Variants in DNAAF9 observed in about 807,000 individuals in gnomAD.
DNAAF9 encodes the protein shulin.
DNAAF9 carries 90 observed loss-of-function variants against 167.0 expected under a neutral mutation model. The observed-to-expected ratio is 0.54, with a 90% CI of 0.45 to 0.64. The LOEUF (loss-of-function observed/expected upper bound fraction) is 0.64, where lower values mean the gene tolerates loss of function less well. DNAAF9 is among the 30% of genes least tolerant of loss of function. DNAAF9 has a pLI of 0.00. For missense variants in DNAAF9, 1,315 were observed against 1,442.2 expected, an observed-to-expected ratio of 0.91 and a Z score of 1.43; for synonymous variants, 491 against 508.8, an observed-to-expected ratio of 0.96 and a Z score of 0.47.
At chr20:3,365,355 C>A (rs1055897404) in intron 6 of DNAAF9, among the ~76,000 whole-genome samples, 1 of 149,982 alleles carries the variant, frequency 6.7e-6, no homozygotes, top group Non-Finnish European at 1.5e-5. Flanking sequence ...CTGTGATATG[C>A]CACACTATTT....
In DNAAF9 at chr20:3,343,738, A is replaced by G. The variant is rs1268354926; in HGVS notation, c.790-7T>C. The G allele has an allele frequency of 5.6e-6, 9 of 1,608,000 alleles. No individual in the cohort carries two copies. The South Asian group carries it at 7.7e-5, about 14-fold the overall frequency. The stretch of plus-strand genomic sequence containing the variant: ...TGAAATAACTTCTGAATGGCTAAAA[A>G]GAAGCCAACATTGTATATATTAAGA... On this transcript the variant is annotated splice_polypyrimidine_tract_variant and splice_region_variant and intron_variant, in intron 8 of 36. Coordinates refer to ENST00000252032, the MANE Select transcript of DNAAF9 (RefSeq NM_001009984.3).
rs570615007 is a variant in DNAAF9 at position 3,374,140 on chromosome 20, A to G, written c.520T>C (p.Phe174Leu). 1.2e-6 allele frequency: 2 copies of G among 1,610,806 alleles called. No individual in the cohort carries two copies. The highest frequency in any genetic ancestry group is 2.2e-5 in the East Asian group (1 of 44,868). Residue 174 changes from phenylalanine (F) to leucine (L), a missense_variant, in exon 6 of 37, where the codon TTT (phenylalanine) becomes CTT (leucine). Physicochemically the swap from Phe to Leu is conservative, Grantham distance 22. This residue lies in a region of DNAAF9 where 981 missense variants were observed against 1,012.5 expected (regional missense o/e 0.97). Coordinates refer to ENST00000252032, the MANE Select transcript of DNAAF9 (RefSeq NM_001009984.3). ...CATTTCTCCACCACAAACATATCAA[A>G]TATCTGCAAGTGACCTAGAAGAATC... is the stretch of plus-strand genomic sequence containing the variant. ...PYSSQGHLQI[F>L]DMFVVEKWPI...
rs996425100 is a variant in DNAAF9, at chr20:3,290,114, A to C, written c.2327+15T>G. 1.3e-6 allele frequency: 2 copies of C among 1,552,856 alleles called. No homozygotes were observed. The highest frequency in any genetic ancestry group is 1.8e-6 in the Non-Finnish European group (2 of 1,124,264). On this transcript the variant is annotated intron_variant, in intron 26 of 36. Coordinates refer to ENST00000252032, the MANE Select transcript of DNAAF9 (RefSeq NM_001009984.3). ...GAATCCCTTTCCCCAAAGCAAAGGC[A>C]TCAGCCATACTAACCTGCCACATTC...
At chr20:3,403,335 C>T (rs1337136538) in intron 1 of DNAAF9, among the ~76,000 whole-genome samples, 1 of 152,004 alleles carries the variant, frequency 6.6e-6, no homozygotes, top group Non-Finnish European at 1.5e-5. Flanking sequence ...CATTCTTCCC[C>T]ATTCTCTTGG....
intron 23 of DNAAF9, 185 bp downstream of exon 23, chr20:3,296,676 T>C: frequency 1.6e-6 from 1 of 614,058 alleles, no homozygotes; most frequent in Non-Finnish European, 2.9e-6. Context: ...GCACTGCACA[T>C]GGCCCTCTCT....
At position 3,348,614 on chromosome 20, in the gene DNAAF9, C is replaced by A; in HGVS notation, c.700G>T (p.Ala234Ser). 1 of 1,591,292 alleles carries A rather than the reference C, an allele frequency of 6.3e-7. No individual in the cohort carries two copies. Among genetic ancestry groups the A allele is most frequent in the Non-Finnish European group, 8.6e-7 (1 of 1,168,428 alleles). ...LESLLSDDLV[A>S]FEHQWTSFFA... ...AAGCTAGTCCACTGATGTTCAAAAG[C>A]CACCAAATCCTGGGAAAAAAAGGAA... is the stretch of plus-strand genomic sequence containing the variant. Residue 234 changes from alanine (A) to serine (S), a missense_variant, in exon 8 of 37, where the codon GCT becomes TCT. By Grantham distance (99) the Ala-to-Ser change is moderately conservative. This residue lies in a region of DNAAF9 where 981 missense variants were observed against 1,012.5 expected (regional missense o/e 0.97). Transcript: ENST00000252032.
intron 7 of DNAAF9, among the ~76,000 whole-genome samples, chr20:3,356,893 C>T (rs563447285): frequency 1.3e-5 from 2 of 151,666 alleles, no homozygotes; most frequent in East Asian, 1.9e-4. Flanking sequence ...TCAACTATAA[C>T]AAGGGCATGA....
chr20:3,315,790 G>C lies in DNAAF9; in HGVS notation c.1540-5C>G. 6.2e-7 allele frequency: 1 copy of C among 1,612,350 alleles called. No individual in the cohort carries two copies. Among genetic ancestry groups the C allele is most frequent in the Non-Finnish European group, 8.5e-7 (1 of 1,178,396 alleles). ...TTTTACTTCATTATCTTCCACCTGT[G>C]TCCAAAAGGAATGCAGATTTTCAGT... On this transcript the variant is annotated splice_polypyrimidine_tract_variant and splice_region_variant and intron_variant, in intron 18 of 36. Coordinates refer to ENST00000252032, the MANE Select transcript of DNAAF9 (RefSeq NM_001009984.3). The surrounding 1 kb of genome is among the most constrained non-coding windows in gnomAD (Gnocchi z 4.1).
intron 6 of DNAAF9, chr20:3,362,311 G>A (rs2083374624): frequency 1.1e-6 from 1 of 939,660 alleles, no homozygotes; most frequent in Admixed American, 2.0e-5. Context: ...TACTGAGCCT[G>A]TGGTGGCTGC....
At chr20:3,273,817 C>A (rs1052160882) in intron 29 of DNAAF9, among the ~76,000 whole-genome samples, 1 of 152,154 alleles carries the variant, frequency 6.6e-6, no homozygotes, top group East Asian at 1.9e-4. Context: ...ACCTAAATTC[C>A]CTGCCCTGGA....
chr20:3,383,304 G>T, intron 1 of DNAAF9, among the ~76,000 whole-genome samples: 1 of 130,334 alleles, frequency 7.7e-6, no homozygotes, highest in African/African-American at 2.9e-5. Context: ...GATGGAGTCT[G>T]GCTCTGTGGC....
intron 6 of DNAAF9, chr20:3,361,999 C>T: frequency 3.3e-6 from 5 of 1,520,668 alleles, no homozygotes; most frequent in Non-Finnish European, 3.6e-6. Flanking sequence ...TGCCATTTTG[C>T]TAGCACTGGT....
intron 31 of DNAAF9, among the ~76,000 whole-genome samples, chr20:3,260,693 G>A (rs545288852): frequency 2.6e-5 from 4 of 152,068 alleles, no homozygotes; most frequent in African/African-American, 7.2e-5. Flanking sequence ...GCAGTGGTGC[G>A]ATCTTGGCTC....
At chr20:3,258,234 C>T (rs1720510620) in intron 33 of DNAAF9, among the ~76,000 whole-genome samples, 1 of 152,056 alleles carries the variant, frequency 6.6e-6, no homozygotes. Flanking sequence ...GTACCAAGAC[C>T]TCTGAAGCAG....
At chr20:3,287,083 A>C (rs992356215) in intron 27 of DNAAF9, among the ~76,000 whole-genome samples, 1 of 152,136 alleles carries the variant, frequency 6.6e-6, no homozygotes, top group Non-Finnish European at 1.5e-5. Flanking sequence ...CACTCAAAAT[A>C]ATCATGCTTA....
At chr20:3,391,621 C>T (rs1431608001) in intron 1 of DNAAF9, among the ~76,000 whole-genome samples, 3 of 133,300 alleles carry the variant, frequency 2.3e-5, no homozygotes, top group East Asian at 4.3e-4. Flanking sequence ...ACTCGTGTTG[C>T]CCAGGCTGGA....
At chr20:3,363,157 A>T (rs547331868) in intron 6 of DNAAF9, among the ~76,000 whole-genome samples, 2 of 149,788 alleles carry the variant, frequency 1.3e-5, no homozygotes, top group East Asian at 3.9e-4. Context: ...TGGACCCAGG[A>T]GGCGGAGGTT....
intron 13 of DNAAF9, among the ~76,000 whole-genome samples, chr20:3,325,294 C>A (rs2069690797): frequency 6.6e-6 from 1 of 152,202 alleles, no homozygotes; most frequent in African/African-American, 2.4e-5. Context: ...AAAGTGCTTT[C>A]TCCTCCCCTC....
intron 20 of DNAAF9, among the ~76,000 whole-genome samples, chr20:3,310,333 A>AAGAAAGAAAGAAAGAAAGAAAG (rs1555790605): frequency 9.4e-6 from 1 of 106,098 alleles, no homozygotes; most frequent in African/African-American, 3.7e-5. Flanking sequence ...AAGAGAAAGA[A>AAGAAAGAAAGAAAGAAAGAAAG]AAAGAAAGAA....
Sources: gnomAD v4.1 joint callset for allele counts (sites outside exome capture counted in the v4.1 genomes callset) on GRCh38, gnomAD v4.1.1 for gene constraint, gnomAD v4.1.1 regional missense constraint, Gnocchi (gnomAD v3.1) non-coding constraint, MANE v1.5 for transcripts, NCBI Gene and HGNC (gene_info 2026-07-23, HGNC 2026-07-21) for gene names.